The following STAG1 variants were observed in gnomAD, a reference collection of about 807,000 sequenced individuals.
STAG1 encodes the protein cohesin subunit SA-1.
A neutral mutation model predicts 170.9 loss-of-function variants in STAG1; 26 were observed. The observed-to-expected ratio is 0.15, with a 90% CI of 0.11 to 0.21. The LOEUF (loss-of-function observed/expected upper bound fraction) is 0.21, where lower values mean the gene tolerates loss of function less well. Ranked by LOEUF, STAG1 falls within the 10% of genes least tolerant of loss-of-function variation. The pLI is 1.00. For synonymous variants in STAG1, 514 were observed against 497.7 expected, an observed-to-expected ratio of 1.03 and a Z score of -0.44; for missense variants, 964 against 1,509.5, an observed-to-expected ratio of 0.64 and a Z score of 5.99.
chr3:136,452,113 C>T lies in STAG1; in HGVS notation c.1348G>A (p.Ala450Thr). 6.2e-7 allele frequency: 1 copy of T among 1,613,332 alleles called. No individual in the cohort carries two copies. The highest frequency in any genetic ancestry group is 8.5e-7 in the Non-Finnish European group (1 of 1,179,818). Residue 450 changes from alanine (A) to threonine (T), a missense_variant, in exon 14 of 34, where the codon GCA (alanine) becomes ACA (threonine). Ala to Thr is a moderately conservative substitution (Grantham distance 58, BLOSUM62 0). Coordinates refer to ENST00000383202, the MANE Select transcript of STAG1 (RefSeq NM_005862.3). ...FSRHDPQAEE[A>T]LAKRRGRNSP... is the part of the protein sequence containing the mutation. Reference sequence around the variant, plus strand: ...TTTCTTCCCCTCCTCTTTGCTAATGCTTCTTCTGCTTGTGGGTCATGTCTG... The same window carrying T: ...TTTCTTCCCCTCCTCTTTGCTAATGTTTCTTCTGCTTGTGGGTCATGTCTG...
At chr3:136,412,865 C>CTTT (rs35801167) in intron 21 of STAG1, among the ~76,000 whole-genome samples, 1 of 141,514 alleles carries the variant, frequency 7.1e-6, no homozygotes, top group Non-Finnish European at 1.5e-5. Context: ...ACAATTTTTT[C>CTTT]TTTTTTTTTT....
At position 136,341,565 on chromosome 3, in the gene STAG1, C is replaced by T. The variant is rs774430224; in HGVS notation, c.3447-14G>A. ...TGCATCTGAGGACTAAGAGAGGGTA[C>T]TATTATTAATTTTGTAGCAGCAGAT... On this transcript the variant is annotated splice_polypyrimidine_tract_variant and intron_variant, in intron 30 of 33. Coordinates refer to ENST00000383202, the MANE Select transcript of STAG1 (RefSeq NM_005862.3). The T allele has an allele frequency of 3.9e-6, 6 of 1,542,128 alleles. No homozygotes were observed. The South Asian group carries it at 5.6e-5, about 14-fold the overall frequency.
chr3:136,613,734 C>T lies in STAG1; in HGVS notation c.133-9261G>A, dbSNP rs531379231. Among the ~76,000 whole-genome samples, 15 of 152,162 alleles carry T rather than the reference C, an allele frequency of 9.9e-5. No homozygotes were observed. The South Asian group carries it at 1.2e-3, about 13-fold the overall frequency. On this transcript the variant is annotated intron_variant, in intron 3 of 33. Coordinates refer to ENST00000383202, the MANE Select transcript of STAG1 (RefSeq NM_005862.3). ...ACTCCTGGACTCAAGTGATTTGCCC[C>T]GCCTTGGCTTCCCAAAGTGCTAGAA...
chr3:136,413,872 C>A (rs1469660280), intron 21 of STAG1, among the ~76,000 whole-genome samples: 5 of 152,096 alleles, frequency 3.3e-5, no homozygotes, highest in Non-Finnish European at 7.4e-5. Context: ...GAATATAGCG[C>A]AAGTTTACTC....
chr3:136,401,649 G>A (rs1285294626), intron 21 of STAG1, among the ~76,000 whole-genome samples: 2 of 151,982 alleles, frequency 1.3e-5, no homozygotes, highest in Non-Finnish European at 2.9e-5. Context: ...ATGGAGTATT[G>A]CACTGTCTCC....
At chr3:136,589,580 T>C (rs559793195) in intron 4 of STAG1, among the ~76,000 whole-genome samples, 157 of 135,692 alleles carry the variant, frequency 1.2e-3, no homozygotes, top group Non-Finnish European at 1.8e-3. Flanking sequence ...GAGGTTGCAG[T>C]GAGCCAAGAT....
At chr3:136,702,121 GAC>G (rs1460699484) in intron 1 of STAG1, among the ~76,000 whole-genome samples, 674 of 66,090 alleles carry the variant, frequency 0.01, 9 homozygotes, top group African/African-American at 0.04. Context: ...GAGAGAGAGA[GAC>G]AGAGAGACAG....
chr3:136,383,085 T>C (rs1274596212), intron 22 of STAG1, among the ~76,000 whole-genome samples: 7 of 152,212 alleles, frequency 4.6e-5, no homozygotes, highest in Admixed American at 4.6e-4. Flanking sequence ...ACTGTGATTT[T>C]GCTCAAGTTG....
Position 136,337,001 on chromosome 3 carries a change from G to A in STAG1, c.*1253C>T, listed in dbSNP as rs1220679474. 3.3e-5 allele frequency: 5 copies of A among 152,370 alleles called. No homozygotes were observed. The highest frequency in any genetic ancestry group is 1.2e-4 in the African/African-American group (5 of 41,432). The allele number at this position is 152,370 out of a possible 1,614,324, so 9.4% of individuals were successfully genotyped here. ...GGGGTTTTTAAAACAATAGCAGCAA[G>A]TCATAAAAGTCTAGGCAGAATGTAA... is the stretch of plus-strand genomic sequence containing the variant. On this transcript the variant is annotated 3_prime_UTR_variant, in exon 34 of 34. Transcript: ENST00000383202.
intron 1 of STAG1, among the ~76,000 whole-genome samples, chr3:136,751,229 T>C (rs1054541500): frequency 2.6e-5 from 4 of 151,486 alleles, no homozygotes; most frequent in Non-Finnish European, 5.9e-5. Context: ...CTATGACTTA[T>C]ACTCCCGGAG....
At chr3:136,571,107 A>G (rs1937253192) in intron 4 of STAG1, among the ~76,000 whole-genome samples, 1 of 152,198 alleles carries the variant, frequency 6.6e-6, no homozygotes, top group Non-Finnish European at 1.5e-5. Flanking sequence ...AGTGTGGCAT[A>G]AAACTGAAGA....
chr3:136,508,419 G>A (rs1030684523), intron 7 of STAG1, among the ~76,000 whole-genome samples: 3 of 152,128 alleles, frequency 2.0e-5, no homozygotes, highest in African/African-American at 4.8e-5. Flanking sequence ...TGAGCATGAT[G>A]GCTCACATCT....
intron 23 of STAG1, among the ~76,000 whole-genome samples, chr3:136,375,462 G>A (rs73222301): frequency 0.012 from 1,808 of 152,246 alleles, 21 homozygotes; most frequent in Non-Finnish European, 0.02. Flanking sequence ...TTTAGTTTGG[G>A]ATAACTGTAT....
chr3:136,654,782 G>A (rs1160959658), intron 1 of STAG1, among the ~76,000 whole-genome samples: 1 of 152,160 alleles, frequency 6.6e-6, no homozygotes, highest in Non-Finnish European at 1.5e-5. Context: ...TTAAAACTGT[G>A]TGGCACTGCC....
intron 4 of STAG1, among the ~76,000 whole-genome samples, chr3:136,582,196 G>C (rs1937604863): frequency 6.8e-6 from 1 of 147,032 alleles, no homozygotes; most frequent in Non-Finnish European, 1.5e-5. Flanking sequence ...TTTGTTTTTT[G>C]TGTGGGGGTT....
chr3:136,518,223 A>T (rs1303069802), intron 7 of STAG1: 1 of 565,940 alleles, frequency 1.8e-6, no homozygotes, highest in East Asian at 2.9e-5. Flanking sequence ...AACTCATCAC[A>T]TCTGTACCCT....
chr3:136,495,998 G>A (rs1311340697), intron 9 of STAG1, among the ~76,000 whole-genome samples: 3 of 142,000 alleles, frequency 2.1e-5, no homozygotes, highest in African/African-American at 5.1e-5. Context: ...AAAAAAATTA[G>A]CTGGGCGTGG....
intron 12 of STAG1, among the ~76,000 whole-genome samples, chr3:136,470,462 C>T (rs1181772266): frequency 2.0e-5 from 3 of 152,100 alleles, no homozygotes. Flanking sequence ...GTTACAATGG[C>T]GATCATTAAA....
chr3:136,657,805 T>C (rs926375138), intron 1 of STAG1, among the ~76,000 whole-genome samples: 2 of 151,876 alleles, frequency 1.3e-5, no homozygotes, highest in South Asian at 2.1e-4. Flanking sequence ...CTAGGCAACA[T>C]AGCAAGTTGC....
Sources: allele counts gnomAD v4.1 joint callset (sites outside exome capture counted in the v4.1 genomes callset), GRCh38; gene constraint gnomAD v4.1.1; transcripts MANE v1.5; gene names NCBI Gene and HGNC (gene_info 2026-07-23, HGNC 2026-07-21).